The following OGDHL variants were observed in gnomAD, a reference collection of about 807,000 sequenced individuals.
OGDHL encodes oxoglutarate dehydrogenase L.
OGDHL carries 79 observed loss-of-function variants against 109.6 expected under a neutral mutation model. The observed-to-expected ratio is 0.72, with a 90% CI of 0.60 to 0.87. The LOEUF is 0.87. Among genes scored for constraint, OGDHL ranks in the 40% least tolerant of loss-of-function variants. OGDHL has a pLI of 0.00. For synonymous variants in OGDHL, 528 were observed against 537.2 expected (o/e 0.98, Z 0.24); for missense variants, 1,275 against 1,362.2 (o/e 0.94, Z 1.01).
Position 49,747,216 on chromosome 10 carries a change from T to G in OGDHL, c.988-8A>C. ...CTTGACATCCCCGGAGCCCTGAAGG[T>G]GGAGATGGGAACATGATGGATCCTC... On this transcript the variant is annotated splice_region_variant and splice_polypyrimidine_tract_variant and intron_variant, in intron 8 of 22. Transcript: ENST00000374103. 6.2e-7 allele frequency: 1 copy of G among 1,613,302 alleles called. No individual in the cohort carries two copies. Among genetic ancestry groups the G allele is most frequent in the Non-Finnish European group, 8.5e-7 (1 of 1,179,484 alleles).
In OGDHL at chr10:49,752,145, A is replaced by G; in HGVS notation, c.582T>C (p.Ile194=). 1.2e-6 allele frequency: 2 copies of G among 1,614,004 alleles called. No homozygotes were observed. The highest frequency in any genetic ancestry group is 1.7e-6 in the Non-Finnish European group (2 of 1,179,978). ...CGCCTGTGCTCACCTCCAGGCGCCG[A>G]ATGATCTCCCGCAGAGAGAGGGTGT... is the stretch of plus-strand genomic sequence containing the variant. The part of the protein sequence containing the change: ...SENTLSLREI[I]RRLENTYCQH... Residue 194 remains isoleucine (I), a synonymous_variant, in exon 5 of 23, where the codon ATT becomes ATC. Transcript: ENST00000374103.
intron 6 of OGDHL, among the ~76,000 whole-genome samples, 159 bp downstream of exon 6, chr10:49,751,668 A>G (rs939976072): frequency 6.6e-6 from 1 of 152,148 alleles, no homozygotes; most frequent in African/African-American, 2.4e-5. Context: ...CAAACTGCCT[A>G]AACACCTGGT....
intron 11 of OGDHL, 46 bp downstream of exon 11, chr10:49,745,752 G>C (rs894580176): frequency 6.3e-7 from 1 of 1,593,650 alleles, no homozygotes; most frequent in Non-Finnish European, 8.6e-7. Context: ...CAGCACAGCA[G>C]GGATGGGCCA....
At chr10:49,737,286 C>T (rs529904713) in intron 20 of OGDHL, among the ~76,000 whole-genome samples, 1 of 152,238 alleles carries the variant, frequency 6.6e-6, no homozygotes, top group South Asian at 2.1e-4. Flanking sequence ...CTGCCCAGGA[C>T]CATTTTCCAA....
intron 22 of OGDHL, among the ~76,000 whole-genome samples, chr10:49,735,587 T>C (rs2042707760): frequency 1.3e-5 from 2 of 152,188 alleles, no homozygotes; most frequent in African/African-American, 2.4e-5. Flanking sequence ...CACTTGCCCA[T>C]GAGGACAACA....
At chr10:49,755,328 C>T (rs138214311) in intron 3 of OGDHL, among the ~76,000 whole-genome samples, 66 of 152,244 alleles carry the variant, frequency 4.3e-4, no homozygotes, top group Non-Finnish European at 2.4e-4. Flanking sequence ...TGTTTAGATG[C>T]GATAATGGTA....
chr10:49,738,773 C>G (rs71500284), intron 17 of OGDHL: 1 of 166,328 alleles, frequency 6.0e-6, no homozygotes, highest in African/African-American at 2.4e-5. Flanking sequence ...ACGGACCGCT[C>G]TGCTCCATGA....
Position 49,742,932 on chromosome 10 carries a change from C to G in OGDHL, c.1908G>C (p.Arg636=). ...LRGRADMTKN[R]TVDWALAEYM... Reference sequence around the variant, plus strand: ...ACTCTGCCAACGCCCAGTCCACCGTCCGGTTCTTGGTCATGTCCGCACGGC... The same window carrying G: ...ACTCTGCCAACGCCCAGTCCACCGTGCGGTTCTTGGTCATGTCCGCACGGC... Residue 636 remains arginine, a synonymous_variant, in exon 15 of 23, where the codon CGG becomes CGC. Coordinates refer to ENST00000374103, the MANE Select transcript of OGDHL (RefSeq NM_018245.3). 6.2e-7 allele frequency: 1 copy of G among 1,614,020 alleles called. No homozygotes were observed. Among genetic ancestry groups the G allele is most frequent in the Non-Finnish European group, 8.5e-7 (1 of 1,180,018 alleles).
At position 49,744,735 on chromosome 10, in the gene OGDHL, G is replaced by A. The variant is rs371492478; in HGVS notation, c.1647C>T (p.Tyr549=). ...LQEFEEEIAK[Y]DRICEEAYGR... is the part of the protein sequence containing the mutation. ...CATAAGCCTCCTCACAGATCCGGTC[G>A]TATTTGGCAATTTCTTCCTGGAATC... The change falls in exon 13 of 23, where the codon TAC becomes TAT. Residue 549 remains tyrosine, a synonymous_variant. Transcript: ENST00000374103. The A allele has an allele frequency of 1.1e-5, 17 of 1,614,000 alleles. No individual in the cohort carries two copies. The highest frequency in any genetic ancestry group is 4.5e-5 in the East Asian group (2 of 44,894).
At chr10:49,757,857 A>G (rs1843008371) in intron 2 of OGDHL, among the ~76,000 whole-genome samples, 1 of 152,194 alleles carries the variant, frequency 6.6e-6, no homozygotes, top group Non-Finnish European at 1.5e-5. Context: ...TATAGAGGAC[A>G]CTAAGTTGGG....
intron 20 of OGDHL, among the ~76,000 whole-genome samples, chr10:49,737,204 G>A (rs112366861): frequency 1.3e-3 from 200 of 152,204 alleles, no homozygotes; most frequent in African/African-American, 4.5e-3. Flanking sequence ...CTGCACAGAG[G>A]GGACATCCAA....
At chr10:49,736,980 T>C (rs1222090969) in intron 20 of OGDHL, among the ~76,000 whole-genome samples, 1 of 152,108 alleles carries the variant, frequency 6.6e-6, no homozygotes, top group East Asian at 1.9e-4. Context: ...GCCCCAACCA[T>C]TCTTCCTTCC....
intron 22 of OGDHL, 35 bp from the exon 23 acceptor site, chr10:49,735,386 G>A: frequency 6.2e-7 from 1 of 1,601,722 alleles, no homozygotes; most frequent in Non-Finnish European, 8.5e-7. Flanking sequence ...GGGAAGGCGG[G>A]GCCTAGCCGC....
In OGDHL at chr10:49,739,802, G is replaced by A. The variant is rs1251533760; in HGVS notation, c.2178C>T (p.Ala726=). The A allele has an allele frequency of 6.2e-7, 1 of 1,614,124 alleles. No individual in the cohort carries two copies. The highest frequency in any genetic ancestry group is 2.2e-5 in the East Asian group (1 of 44,884). The change falls in exon 17 of 23, where the codon GCC becomes GCT. Residue 726 remains alanine, a synonymous_variant. Coordinates refer to ENST00000374103, the MANE Select transcript of OGDHL (RefSeq NM_018245.3). ...ELGYAMASPN[A]LVLWEAQFGD... is the part of the protein sequence containing the mutation. Reference sequence around the variant, plus strand: ...CAAACTGGGCCTCCCAGAGGACCAGGGCATTGGGGCTGGCCATGGCATAGC... The same window carrying A: ...CAAACTGGGCCTCCCAGAGGACCAGAGCATTGGGGCTGGCCATGGCATAGC...
At chr10:49,746,235 A>G (rs1842177078) in intron 10 of OGDHL, among the ~76,000 whole-genome samples, 1 of 152,198 alleles carries the variant, frequency 6.6e-6, no homozygotes, top group African/African-American at 2.4e-5. Flanking sequence ...TGAGGAACAT[A>G]GGCCTGGAAA....
At chr10:49,736,721 G>A (rs1488938508) in intron 20 of OGDHL, among the ~76,000 whole-genome samples, 1 of 152,170 alleles carries the variant, frequency 6.6e-6, no homozygotes, top group East Asian at 1.9e-4. Context: ...GGAGAGGGGT[G>A]GAGACACCCA....
intron 2 of OGDHL, 66 bp downstream of exon 2, chr10:49,758,323 G>T: frequency 6.6e-7 from 1 of 1,506,536 alleles, no homozygotes; most frequent in Non-Finnish European, 9.0e-7. Context: ...CCACTGCCCT[G>T]CCACAGCCCG....
chr10:49,746,917 C>G (rs764749829), intron 9 of OGDHL, 39 bp from the exon 10 acceptor site: 3 of 1,613,342 alleles, frequency 1.9e-6, no homozygotes, highest in Non-Finnish European at 2.5e-6. Context: ...CTGCGTGCCC[C>G]AGCCCATGTA....
chr10:49,758,722 T>C, intron 1 of OGDHL, 129 bp from the exon 2 acceptor site: 2 of 914,098 alleles, frequency 2.2e-6, no homozygotes, highest in Non-Finnish European at 3.4e-6. Context: ...TAGGCAGTGA[T>C]GAGACTGGGA....
Sources: gnomAD v4.1 joint callset for allele counts (sites outside exome capture counted in the v4.1 genomes callset) on GRCh38, gnomAD v4.1.1 for gene constraint, MANE v1.5 for transcripts, NCBI Gene and HGNC (gene_info 2026-07-23, HGNC 2026-07-21) for gene names.